GSDMC: variants seen among roughly 807,000 people sequenced by gnomAD.
GSDMC encodes the protein gasdermin-C.
GSDMC carries 59 observed loss-of-function variants against 58.0 expected under a neutral mutation model. The observed-to-expected ratio is 1.02, with a 90% confidence interval of 0.82 to 1.26. GSDMC has a LOEUF of 1.26. Ranked by LOEUF, GSDMC falls within the 50% of genes most tolerant of loss-of-function variation. GSDMC has a pLI of 0.00. For synonymous variants in GSDMC, 241 were observed against 220.2 expected, an observed-to-expected ratio of 1.09 and a Z score of -0.83; for missense variants, 659 against 598.5, an observed-to-expected ratio of 1.10 and a Z score of -1.06.
At chr8:129,740,044 G>A in the GSDMC span, among the ~76,000 whole-genome samples, 3 of 151,874 alleles carry the variant, frequency 2.0e-5, no homozygotes, top group Non-Finnish European at 4.4e-5. Context: ...TTAACAAAAA[G>A]TTTACAAACT....
the GSDMC span, chr8:129,730,330 T>C: frequency 7.4e-7 from 1 of 1,347,106 alleles, no homozygotes; most frequent in South Asian, 1.3e-5. Context: ...AGCAAGTCAC[T>C]GCATGATCTT....
intron 3 of GSDMC, among the ~76,000 whole-genome samples, chr8:129,768,923 T>A (rs116290888): frequency 0.014 from 2,102 of 151,988 alleles, 43 homozygotes; most frequent in African/African-American, 0.049. Context: ...CTCCAAAAAA[T>A]AAAAATTTAA....
intron 10 of GSDMC, 78 bp downstream of exon 10, chr8:129,751,464 A>T: frequency 7.9e-6 from 10 of 1,260,392 alleles, no homozygotes; most frequent in Non-Finnish European, 1.1e-5. Flanking sequence ...TCTGACTTGC[A>T]TAGAAACCAC....
intron 7 of GSDMC, 68 bp downstream of exon 7, chr8:129,752,630 T>G (rs1586578178): frequency 1.9e-6 from 3 of 1,578,550 alleles, no homozygotes; most frequent in Non-Finnish European, 2.6e-6. Context: ...AACACCAAAT[T>G]TTAACAACTA....
downstream of GSDMC, among the ~76,000 whole-genome samples, chr8:129,747,034 G>T (rs1235294723): frequency 6.6e-6 from 1 of 151,766 alleles, no homozygotes; most frequent in Non-Finnish European, 1.5e-5. Context: ...CAGATCACTT[G>T]AGGCCAGGAG....
At chr8:129,754,855 C>T (rs1167349155) in intron 6 of GSDMC, among the ~76,000 whole-genome samples, 1 of 152,024 alleles carries the variant, frequency 6.6e-6, no homozygotes, top group Non-Finnish European at 1.5e-5. Context: ...ATAATAGACT[C>T]AATCAAGCAT....
chr8:129,751,256 G>A (rs1409916574), intron 10 of GSDMC, among the ~76,000 whole-genome samples: 1 of 152,160 alleles, frequency 6.6e-6, no homozygotes, highest in African/African-American at 2.4e-5. Context: ...TCTCTCCCAG[G>A]AGACATCTGG....
chr8:129,749,177 T>G (rs1308324608), intron 13 of GSDMC, among the ~76,000 whole-genome samples: 4 of 152,056 alleles, frequency 2.6e-5, no homozygotes, highest in African/African-American at 9.7e-5. Flanking sequence ...CCCTTAGACC[T>G]CAAAGTCCTG....
chr8:129,755,947 G>A (rs2033412311), intron 6 of GSDMC, among the ~76,000 whole-genome samples: 1 of 147,916 alleles, frequency 6.8e-6, no homozygotes, highest in Non-Finnish European at 1.5e-5. Context: ...CAAAAAGGAA[G>A]AAAAGAAGGC....
chr8:129,713,628 T>A, the GSDMC span, among the ~76,000 whole-genome samples: 1 of 152,166 alleles, frequency 6.6e-6, no homozygotes, highest in African/African-American at 2.4e-5. Flanking sequence ...CCAATGAGCT[T>A]GAGGCAGAGT....
the GSDMC span, among the ~76,000 whole-genome samples, chr8:129,735,872 T>C: frequency 6.6e-6 from 1 of 152,128 alleles, no homozygotes; most frequent in African/African-American, 2.4e-5. Context: ...CAGGAACTTG[T>C]TTTTTGAAAA....
At chr8:129,768,577 A>G (rs2033944187) in intron 3 of GSDMC, among the ~76,000 whole-genome samples, 1 of 152,244 alleles carries the variant, frequency 6.6e-6, no homozygotes, top group African/African-American at 2.4e-5. Flanking sequence ...AAAAAAGTTT[A>G]GGAAAGTTTC....
intron 13 of GSDMC, 77 bp from the exon 14 acceptor site, chr8:129,748,817 GGCCAT>G: frequency 8.1e-6 from 10 of 1,234,164 alleles, no homozygotes; most frequent in Non-Finnish European, 1.1e-5. Flanking sequence ...AGTATCCAGG[GGCCAT>G]GCAGGATAAT....
chr8:129,777,734 C>T (rs1307759195), intron 1 of GSDMC, 143 bp from the exon 2 acceptor site: 1 of 616,546 alleles, frequency 1.6e-6, no homozygotes, highest in Non-Finnish European at 2.9e-6. Context: ...TAGATTATAA[C>T]TTTCTCAACT....
At position 129,748,637 on chromosome 8, in the gene GSDMC, G is replaced by T; in HGVS notation, c.1391C>A (p.Thr464Asn). 6.2e-7 allele frequency: 1 copy of T among 1,612,520 alleles called. No homozygotes were observed. Among genetic ancestry groups the T allele is most frequent in the Non-Finnish European group, 8.5e-7 (1 of 1,179,314 alleles). Residue 464 changes from threonine to asparagine, a missense_variant, in exon 14 of 14, where the codon ACC becomes AAC. Coordinates refer to ENST00000276708, the MANE Select transcript of GSDMC (RefSeq NM_031415.3). ...APLQSEGLAITYGLLEECGLR... is the reference protein window; with the variant it reads ...APLQSEGLAINYGLLEECGLR... ...GCCACACTCCTCCAGCAGGCCATAG[G>T]TGATGGCCAAACCCTCACTCTGGAG...
At chr8:129,714,587 T>C in the GSDMC span, among the ~76,000 whole-genome samples, 1 of 152,242 alleles carries the variant, frequency 6.6e-6, no homozygotes, top group Non-Finnish European at 1.5e-5. Context: ...TGATTTCAAG[T>C]TTCATTTTGT....
At chr8:129,741,085 A>T in the GSDMC span, among the ~76,000 whole-genome samples, 1 of 152,086 alleles carries the variant, frequency 6.6e-6, no homozygotes, top group African/African-American at 2.4e-5. Flanking sequence ...TCCCAATACC[A>T]TTTATTGAAG....
At chr8:129,735,891 A>C in the GSDMC span, among the ~76,000 whole-genome samples, 6 of 152,212 alleles carry the variant, frequency 3.9e-5, no homozygotes, top group Non-Finnish European at 8.8e-5. Context: ...AAGGTCAACA[A>C]AACTGATAGA....
chr8:129,781,937 G>A (rs1009322083), intron 1 of GSDMC, among the ~76,000 whole-genome samples: 1 of 152,092 alleles, frequency 6.6e-6, no homozygotes, highest in African/African-American at 2.4e-5. Context: ...TCATCACATG[G>A]ATCATTCTCA....
Sources: gnomAD v4.1 joint callset for allele counts (sites outside exome capture counted in the v4.1 genomes callset) on GRCh38, gnomAD v4.1.1 for gene constraint, MANE v1.5 for transcripts, NCBI Gene and HGNC (gene_info 2026-07-23, HGNC 2026-07-21) for gene names.